Variants in CTTNBP2 observed in about 807,000 individuals in gnomAD.
CTTNBP2 encodes the protein cortactin binding protein 2.
In CTTNBP2, 108 loss-of-function variants were observed where a neutral mutation model predicts 156.9. The observed-to-expected ratio is 0.69, with a 90% CI of 0.59 to 0.81. CTTNBP2 has a LOEUF of 0.81. Among genes scored for constraint, CTTNBP2 ranks in the 30% least tolerant of loss-of-function variants. CTTNBP2 has a pLI of 0.00. For synonymous variants in CTTNBP2, 767 were observed against 751.8 expected (o/e 1.02, Z -0.33); for missense variants, 1,924 against 2,035.4 (o/e 0.95, Z 1.05).
intron 14 of CTTNBP2, 77 bp from the exon 15 acceptor site, chr7:117,735,498 G>T (rs1384092490): frequency 7.7e-7 from 1 of 1,290,662 alleles, no homozygotes; most frequent in African/African-American, 1.5e-5. Flanking sequence ...AAAAAAGTCT[G>T]AAGTTATAAA....
At chr7:117,786,499 G>C (rs895843482) in intron 4 of CTTNBP2, 4 of 385,532 alleles carry the variant, frequency 1.0e-5, no homozygotes, top group African/African-American at 2.2e-5. Flanking sequence ...TGCATAAACA[G>C]AGAAATTATA....
intron 2 of CTTNBP2, among the ~76,000 whole-genome samples, chr7:117,837,532 T>G (rs908023364): frequency 1.8e-4 from 28 of 152,188 alleles, no homozygotes; most frequent in African/African-American, 6.3e-4. Context: ...GACCCAGAAT[T>G]ATTTTGAATT....
chr7:117,796,144 T>C (rs1003288899), intron 3 of CTTNBP2, among the ~76,000 whole-genome samples: 24 of 152,174 alleles, frequency 1.6e-4, no homozygotes, highest in African/African-American at 5.5e-4. Context: ...CCCTTCAATC[T>C]AAGGGGGAAA....
At position 117,860,401 on chromosome 7, in the gene CTTNBP2, G is replaced by T. The variant is rs868731007; in HGVS notation, c.189+808C>A. On this transcript the variant is annotated intron_variant, in intron 2 of 22. Coordinates refer to ENST00000160373, the MANE Select transcript of CTTNBP2 (RefSeq NM_033427.3). ...TCTGTCGCCCAGGCTGGAGTGCAGTGGCGTGATCTCGACTCACCGCAAGCT... is the reference window on the plus strand; with the variant it reads ...TCTGTCGCCCAGGCTGGAGTGCAGTTGCGTGATCTCGACTCACCGCAAGCT... Among the ~76,000 whole-genome samples, 19 of 151,102 alleles carry T rather than the reference G, an allele frequency of 1.3e-4. No individual in the cohort carries two copies. In the Middle Eastern group the frequency reaches 0.017, roughly 136 times the overall value.
At chr7:117,800,250 A>G (rs1799537856) in intron 3 of CTTNBP2, among the ~76,000 whole-genome samples, 1 of 152,134 alleles carries the variant, frequency 6.6e-6, no homozygotes, top group Admixed American at 6.5e-5. Context: ...TAACTATTAA[A>G]ACAATAGTCA....
intron 2 of CTTNBP2, among the ~76,000 whole-genome samples, chr7:117,828,363 G>A (rs1801417307): frequency 6.6e-6 from 1 of 152,168 alleles, no homozygotes; most frequent in South Asian, 2.1e-4. Context: ...GGTGGCATAT[G>A]TGCAAACTGT....
intron 4 of CTTNBP2, chr7:117,786,489 T>A (rs1798709674): frequency 3.3e-5 from 13 of 395,832 alleles, no homozygotes; most frequent in South Asian, 2.5e-4. Flanking sequence ...TTATTAGAAA[T>A]GCATAAACAG....
chr7:117,782,999 T>C (rs753658120), intron 5 of CTTNBP2, 38 bp from the exon 6 acceptor site: 3 of 1,528,532 alleles, frequency 2.0e-6, no homozygotes, highest in East Asian at 2.3e-5. Flanking sequence ...AATTCCCCAT[T>C]TGGAGTTATG....
chr7:117,848,059 C>G (rs1802708380), intron 2 of CTTNBP2, among the ~76,000 whole-genome samples: 1 of 152,000 alleles, frequency 6.6e-6, no homozygotes, highest in African/African-American at 2.4e-5. Flanking sequence ...TCTCGTGATC[C>G]ACCCACCTCG....
chr7:117,740,676 C>T (rs928168548), intron 14 of CTTNBP2, among the ~76,000 whole-genome samples: 4 of 152,180 alleles, frequency 2.6e-5, no homozygotes, highest in African/African-American at 9.7e-5. Context: ...AACCCCTTTC[C>T]TCCATCCAGA....
chr7:117,827,763 A>C (rs1482691237), intron 2 of CTTNBP2, among the ~76,000 whole-genome samples: 2 of 152,246 alleles, frequency 1.3e-5, no homozygotes, highest in East Asian at 1.9e-4. Context: ...CACAGAAATA[A>C]AGGTAGTTTC....
At chr7:117,796,386 A>G (rs939489087) in intron 3 of CTTNBP2, among the ~76,000 whole-genome samples, 4 of 152,240 alleles carry the variant, frequency 2.6e-5, no homozygotes, top group African/African-American at 9.6e-5. Context: ...ACTTAAGAGA[A>G]TAAGAGATGT....
chr7:117,777,599 G>C lies in CTTNBP2; in HGVS notation c.2690C>G (p.Ser897Cys), dbSNP rs563679495. The C allele has an allele frequency of 8.7e-6, 14 of 1,613,984 alleles. No individual in the cohort carries two copies. In the African/African-American group the frequency reaches 1.6e-4, roughly 18 times the overall value. ...DGGEESPEGISKPVVPADLIN... is the reference protein window; with the variant it reads ...DGGEESPEGICKPVVPADLIN... ...GAGGTCTGCAGGAACAACAGGCTTG[G>C]ATATGCCTTCAGGACTCTCTTCTCC... Residue 897 changes from serine (S) to cysteine (C), a missense_variant, in exon 8 of 23, where the codon TCC becomes TGC. Transcript: ENST00000160373.
intron 1 of CTTNBP2, among the ~76,000 whole-genome samples, chr7:117,870,083 G>A (rs749201271): frequency 6.6e-6 from 1 of 152,082 alleles, no homozygotes; most frequent in Non-Finnish European, 1.5e-5. Context: ...CATCCACTAG[G>A]GACCCTCTCT....
intron 18 of CTTNBP2, 80 bp from the exon 19 acceptor site, chr7:117,724,812 G>A (rs1014752944): frequency 1.8e-5 from 27 of 1,492,702 alleles, no homozygotes; most frequent in African/African-American, 4.2e-5. Context: ...TCAAAGATAC[G>A]GACTGTTCAA....
intron 3 of CTTNBP2, among the ~76,000 whole-genome samples, chr7:117,798,199 C>T (rs1309389482): frequency 2.0e-5 from 3 of 151,890 alleles, no homozygotes; most frequent in Non-Finnish European, 4.4e-5. Context: ...ACTTAAAAAA[C>T]CTAGATTAAA....
chr7:117,798,713 G>A (rs1315957771), intron 3 of CTTNBP2, among the ~76,000 whole-genome samples: 1 of 151,896 alleles, frequency 6.6e-6, no homozygotes, highest in Non-Finnish European at 1.5e-5. Context: ...AAAGTAGAAG[G>A]AATCAAATAC....
chr7:117,778,220 A>G (rs1798210343), intron 7 of CTTNBP2, among the ~76,000 whole-genome samples: 2 of 152,214 alleles, frequency 1.3e-5, no homozygotes, highest in African/African-American at 4.8e-5. Flanking sequence ...TGTGATCTTA[A>G]AATTTTATGC....
chr7:117,724,462 T>C, intron 19 of CTTNBP2, 85 bp downstream of exon 19: 3 of 1,170,228 alleles, frequency 2.6e-6, no homozygotes, highest in Middle Eastern at 3.0e-4. Context: ...TGCATCGTGA[T>C]AAAAATGAAA....
Sources: gnomAD v4.1 joint callset for allele counts (sites outside exome capture counted in the v4.1 genomes callset) on GRCh38, gnomAD v4.1.1 for gene constraint, MANE v1.5 for transcripts, NCBI Gene and HGNC (gene_info 2026-07-23, HGNC 2026-07-21) for gene names.